Variants in PRKN observed in about 807,000 individuals in gnomAD.
PRKN encodes parkin RBR E3 ubiquitin protein ligase, also known as E3 ubiquitin-protein ligase parkin.
Under a neutral mutation model 59.5 loss-of-function variants are expected in PRKN, and 56 were observed. The observed-to-expected ratio is 0.94, with a 90% CI of 0.76 to 1.18. The LOEUF (loss-of-function observed/expected upper bound fraction) is 1.18, where lower values mean the gene tolerates loss of function less well. PRKN is among the 50% of genes most tolerant of loss of function. The pLI, the probability that PRKN is intolerant of heterozygous loss-of-function variation, is 0.00. For synonymous variants in PRKN, 250 were observed against 222.1 expected, an observed-to-expected ratio of 1.13 and a Z score of -1.12; for missense variants, 657 against 596.4, an observed-to-expected ratio of 1.10 and a Z score of -1.06.
intron 6 of PRKN, among the ~76,000 whole-genome samples, chr6:161,808,434 C>T (rs76438630): frequency 0.016 from 2,406 of 152,208 alleles, 34 homozygotes; most frequent in Non-Finnish European, 0.025. Context: ...AAAAGACCAT[C>T]ATATCTGCAA....
At chr6:162,203,169 T>C (rs764984775) in intron 3 of PRKN, among the ~76,000 whole-genome samples, 1 of 152,176 alleles carries the variant, frequency 6.6e-6, no homozygotes, top group Non-Finnish European at 1.5e-5. Context: ...TGCAATATTG[T>C]TTCAGCTAAT....
chr6:162,039,830 A>T (rs983411925), intron 5 of PRKN, among the ~76,000 whole-genome samples: 6 of 152,226 alleles, frequency 3.9e-5, no homozygotes, highest in African/African-American at 1.4e-4. Context: ...TATATATCAA[A>T]GTGTGTATAG....
chr6:161,920,839 G>C (rs1443210391), intron 6 of PRKN, among the ~76,000 whole-genome samples: 1 of 151,824 alleles, frequency 6.6e-6, no homozygotes, highest in East Asian at 1.9e-4. Context: ...TGTGAATGGA[G>C]CTTACAGTAC....
Position 162,235,627 on chromosome 6 carries a change from G to A in PRKN, c.412+26898C>T, listed in dbSNP as rs1030303716. 2.6e-5 allele frequency among the ~76,000 whole-genome samples: 4 copies of A among 152,100 alleles called. 1 individual carries two copies. The Middle Eastern group carries it at 0.01, about 388-fold the overall frequency. On this transcript the variant is annotated intron_variant, in intron 3 of 11. Transcript: ENST00000366898. ...TCGAGACTAGCCTGGCCAACATGGC[G>A]AAACCCTGTCTCTACTAAAAAAATA...
intron 3 of PRKN, among the ~76,000 whole-genome samples, chr6:162,213,573 C>CA (rs914308041): frequency 2.4e-4 from 37 of 151,588 alleles, no homozygotes; most frequent in East Asian, 2.0e-3. Flanking sequence ...AAAAAATAAA[C>CA]AAAAAAATAG....
chr6:162,676,768 A>C (rs1478814708), intron 1 of PRKN, among the ~76,000 whole-genome samples: 1 of 152,126 alleles, frequency 6.6e-6, no homozygotes, highest in East Asian at 1.9e-4. Flanking sequence ...ATTGTAAAAG[A>C]TTATCTAAGA....
chr6:161,453,249 AC>A (rs1478728764), intron 9 of PRKN, among the ~76,000 whole-genome samples: 1 of 152,194 alleles, frequency 6.6e-6, no homozygotes, highest in African/African-American at 2.4e-5. Flanking sequence ...CCTGGGCTTA[AC>A]GTCGTGGCTC....
chr6:161,508,567 A>T, intron 9 of PRKN, among the ~76,000 whole-genome samples: 1 of 152,296 alleles, frequency 6.6e-6, no homozygotes, highest in East Asian at 1.9e-4. Flanking sequence ...GCAGGAAAAC[A>T]TTGGTCAGCT....
chr6:161,832,328 T>C lies in PRKN; in HGVS notation c.735-46420A>G, dbSNP rs11970054. Reference sequence around the variant, plus strand: ...AATAATAGCGTTGTTTTTCAGATGGTAAACATCAATATCGGCCGGGTGGGG... The same window carrying C: ...AATAATAGCGTTGTTTTTCAGATGGCAAACATCAATATCGGCCGGGTGGGG... On this transcript the variant is annotated intron_variant, in intron 6 of 11. Transcript: ENST00000366898. Among the ~76,000 whole-genome samples the C allele has an allele frequency of 7.9e-3, 1,202 of 152,168 alleles. 21 individuals are homozygous for C. The highest frequency in any genetic ancestry group is 0.027 in the African/African-American group (1,135 of 41,508).
intron 3 of PRKN, among the ~76,000 whole-genome samples, chr6:162,211,353 C>G (rs1785189862): frequency 6.6e-6 from 1 of 152,104 alleles, no homozygotes; most frequent in South Asian, 2.1e-4. Flanking sequence ...GCAGGTACAG[C>G]AATTACCAAT....
chr6:161,570,730 G>A (rs1780855708), intron 7 of PRKN, among the ~76,000 whole-genome samples: 1 of 152,140 alleles, frequency 6.6e-6, no homozygotes, highest in Admixed American at 6.5e-5. Flanking sequence ...CTAGTCAACA[G>A]TAGGTTATTA....
rs1029850492 is a variant in PRKN at position 161,503,325 on chromosome 6, C to A, written c.1083+45529G>T. ...TTGTCTGAACAAGTCATAAAAAAGTCTTTTATACAATAGCCAAGACTCATG... is the reference window on the plus strand; with the variant it reads ...TTGTCTGAACAAGTCATAAAAAAGTATTTTATACAATAGCCAAGACTCATG... On this transcript the variant is annotated intron_variant, in intron 9 of 11. Coordinates refer to ENST00000366898, the MANE Select transcript of PRKN (RefSeq NM_004562.3). This position sits in a 1 kb window ranked among gnomAD's most constrained non-coding sequence, Gnocchi z 5.1. Among the ~76,000 whole-genome samples the A allele has an allele frequency of 1.3e-5, 2 of 152,110 alleles. No homozygotes were observed. Among genetic ancestry groups the A allele is most frequent in the African/African-American group, 4.8e-5 (2 of 41,422 alleles).
rs541639354 is a variant in PRKN at position 162,277,999 on chromosome 6, T to C, written c.172-15234A>G. ...ATGTTTACAGCAGCTTTATTCAGGATTGCCAAAATTCAATGCAACCAACAT... is the reference window on the plus strand; with the variant it reads ...ATGTTTACAGCAGCTTTATTCAGGACTGCCAAAATTCAATGCAACCAACAT... On this transcript the variant is annotated intron_variant, in intron 2 of 11. Coordinates refer to ENST00000366898, the MANE Select transcript of PRKN (RefSeq NM_004562.3). 2.0e-5 allele frequency among the ~76,000 whole-genome samples: 3 copies of C among 152,298 alleles called. No homozygotes were observed. The South Asian group carries it at 6.2e-4, about 32-fold the overall frequency.
intron 2 of PRKN, among the ~76,000 whole-genome samples, chr6:162,270,502 C>T (rs1195706022): frequency 2.0e-5 from 3 of 152,060 alleles, no homozygotes; most frequent in Non-Finnish European, 2.9e-5. Flanking sequence ...ACCCCAATAA[C>T]TTATGGGAAA....
At chr6:161,976,833 G>A (rs544241274) in intron 5 of PRKN, among the ~76,000 whole-genome samples, 22 of 152,290 alleles carry the variant, frequency 1.4e-4, no homozygotes, top group African/African-American at 4.8e-4. Flanking sequence ...AAGCACTTAC[G>A]TTTTTTCTTA....
intron 1 of PRKN, among the ~76,000 whole-genome samples, chr6:162,596,382 C>T (rs1010917790): frequency 2.0e-5 from 3 of 152,060 alleles, no homozygotes; most frequent in African/African-American, 4.8e-5. Context: ...TAATCATGTC[C>T]ATTGAGTGAA....
intron 1 of PRKN, chr6:162,624,442 C>T (rs1206879623): frequency 6.6e-6 from 1 of 152,136 alleles, no homozygotes; most frequent in Non-Finnish European, 1.5e-5. Context: ...CAATGCAAAG[C>T]ACTTTGAGAG....
chr6:161,734,312 T>C (rs1787877279), intron 7 of PRKN, among the ~76,000 whole-genome samples: 1 of 152,190 alleles, frequency 6.6e-6, no homozygotes, highest in Non-Finnish European at 1.5e-5. Flanking sequence ...ATGCTTTCAC[T>C]CCAGGCCTGC....
rs561533261 is a variant in PRKN at position 162,181,263 on chromosome 6, T to C, written c.534+19868A>G. The stretch of plus-strand genomic sequence containing the variant: ...TTGTTTCTAAGCTTTCCAGCAAGCA[T>C]AGGAAAGGGAAGTGGGATTAATTAC... On this transcript the variant is annotated intron_variant, in intron 4 of 11. Coordinates refer to ENST00000366898, the MANE Select transcript of PRKN (RefSeq NM_004562.3). Among the ~76,000 whole-genome samples the C allele has an allele frequency of 1.6e-3, 238 of 152,258 alleles. 1 individual carries two copies. The highest frequency in any genetic ancestry group is 5.3e-3 in the African/African-American group (221 of 41,556).
Sources: allele counts gnomAD v4.1 joint callset (sites outside exome capture counted in the v4.1 genomes callset), GRCh38; gene constraint gnomAD v4.1.1; non-coding constraint Gnocchi (gnomAD v3.1); transcripts MANE v1.5; gene names NCBI Gene and HGNC (gene_info 2026-07-23, HGNC 2026-07-21).